Variants in NOTCH1 observed in about 807,000 individuals in gnomAD.
NOTCH1 encodes notch receptor 1.
Under a neutral mutation model 254.8 loss-of-function variants are expected in NOTCH1, and 37 were observed. The ratio of observed to expected loss-of-function variants is 0.15; its 90% CI spans 0.11 to 0.19. The LOEUF is 0.19. NOTCH1 is among the 10% of genes least tolerant of loss of function. The pLI is 1.00. For missense variants in NOTCH1, 2,972 were observed against 3,708.6 expected (o/e 0.80, Z 5.16); for synonymous variants, 1,731 against 1,618.1 (o/e 1.07, Z -1.68).
chr9:136,502,556 C>CG (rs1334763265), intron 27 of NOTCH1, 68 bp from the exon 28 acceptor site: 18 of 1,033,356 alleles, frequency 1.7e-5, no homozygotes, highest in Middle Eastern at 3.2e-4. Context: ...GGCTGGTGGC[C>CG]GGGGGGCGGC....
chr9:136,524,174 T>G lies in NOTCH1; in HGVS notation c.141-195A>C, dbSNP rs79487910. On this transcript the variant is annotated intron_variant, in intron 2 of 33. Coordinates refer to ENST00000651671, the MANE Select transcript of NOTCH1 (RefSeq NM_017617.5). The stretch of plus-strand genomic sequence containing the variant: ...AGACACATGCCGCGATTGCACAACT[T>G]TGGGAATGTACTGAATGCCACTGAA... 3.1e-4 allele frequency among the ~76,000 whole-genome samples: 47 copies of G among 152,234 alleles called. No individual in the cohort carries two copies. In the East Asian group the frequency reaches 8.9e-3, roughly 29 times the overall value.
intron 18 of NOTCH1, among the ~76,000 whole-genome samples, chr9:136,509,296 C>T (rs1304384005): frequency 2.6e-5 from 4 of 152,138 alleles, no homozygotes; most frequent in Non-Finnish European, 4.4e-5. Context: ...TAAGTCAGGT[C>T]GAGAGTGGTT....
At chr9:136,526,185 C>T (rs1843456606) in intron 2 of NOTCH1, among the ~76,000 whole-genome samples, 1 of 152,264 alleles carries the variant, frequency 6.6e-6, no homozygotes, top group Admixed American at 6.5e-5. Flanking sequence ...CAGTTACAGG[C>T]TGGCCGGTCC....
At chr9:136,533,363 C>T (rs1843591999) in intron 2 of NOTCH1, among the ~76,000 whole-genome samples, 1 of 152,218 alleles carries the variant, frequency 6.6e-6, no homozygotes. Flanking sequence ...CATGTTCAAC[C>T]CCTGGCGGCT....
chr9:136,517,571 G>A (rs1843296481), intron 8 of NOTCH1, among the ~76,000 whole-genome samples, 181 bp downstream of exon 8: 2 of 152,204 alleles, frequency 1.3e-5, no homozygotes, highest in South Asian at 2.1e-4. Context: ...GCCTAGCACT[G>A]CCCCCGTGCT....
intron 2 of NOTCH1, among the ~76,000 whole-genome samples, chr9:136,529,724 C>T (rs912213120): frequency 5.9e-5 from 9 of 152,274 alleles, no homozygotes; most frequent in Admixed American, 2.6e-4. Context: ...CCCTGAAAGG[C>T]GCCCTGCAGC....
chr9:136,503,051 C>T (rs1360214999), intron 27 of NOTCH1, 131 bp downstream of exon 27: 1 of 1,351,486 alleles, frequency 7.4e-7, no homozygotes, highest in African/African-American at 1.4e-5. Flanking sequence ...CCAGAAAAGC[C>T]CTACCCCAAC....
At chr9:136,532,001 T>C (rs114314597) in intron 2 of NOTCH1, among the ~76,000 whole-genome samples, 1 of 152,200 alleles carries the variant, frequency 6.6e-6, no homozygotes, top group South Asian at 2.1e-4. Flanking sequence ...GCTCACATAC[T>C]GGCCCACTGT....
chr9:136,531,966 C>T (rs1030044503), intron 2 of NOTCH1, among the ~76,000 whole-genome samples: 6 of 152,250 alleles, frequency 3.9e-5, no homozygotes, highest in African/African-American at 9.6e-5. Flanking sequence ...GCTCGCCTGC[C>T]GGCCCAGTCC....
rs751776024 is a variant in NOTCH1 at position 136,508,319 on chromosome 9, G to C, written c.3238C>G (p.Gln1080Glu). The C allele has an allele frequency of 2.5e-6, 4 of 1,613,034 alleles. No homozygotes were observed. The Admixed American group carries it at 6.7e-5, about 27-fold the overall frequency. Residue 1080 changes from glutamine (Q) to glutamate (E), a missense_variant, in exon 20 of 34, where the codon CAG (glutamine) becomes GAG (glutamate). Around this residue, in one of 8 missense-constraint regions of NOTCH1, gnomAD observed 1,343 missense variants for 1,557.0 expected, o/e 0.86. Transcript: ENST00000651671. ...CCGCTGGGGCACTCGCAGCGGTACT[G>C]GGTGTGGGTCTGCCAGCATTTGCCG... ...NGGKCWQTHTQYRCECPSGWT... is the reference protein window; with the variant it reads ...NGGKCWQTHTEYRCECPSGWT...
intron 33 of NOTCH1, 113 bp downstream of exon 33, chr9:136,498,786 C>G: frequency 7.8e-7 from 1 of 1,289,978 alleles, no homozygotes; most frequent in Non-Finnish European, 1.1e-6. Context: ...GCCCAGCGAC[C>G]CTCGAGACCC....
chr9:136,497,569 A>G lies in NOTCH1; in HGVS notation c.6181-11T>C, dbSNP rs2133319517. Reference sequence around the variant, plus strand: ...CAGGGGTGTCTCCTCCTGGGGGATGAGGGCGGGGGCCGGTGAGGGGGGCCA... The same window carrying G: ...CAGGGGTGTCTCCTCCTGGGGGATGGGGGCGGGGGCCGGTGAGGGGGGCCA... On this transcript the variant is annotated splice_polypyrimidine_tract_variant and intron_variant, in intron 33 of 33. Transcript: ENST00000651671. The G allele has an allele frequency of 7.0e-7, 1 of 1,436,384 alleles. No homozygotes were observed. The highest frequency in any genetic ancestry group is 9.5e-7 in the Non-Finnish European group (1 of 1,056,846). 89.0% of individuals were successfully genotyped at this position (1,436,384 alleles called of 1,614,324 possible). A position where few individuals can be genotyped will look rare whatever the true frequency, so the allele number is the denominator to read the frequency against.
At chr9:136,507,034 G>A (rs952108526) in intron 22 of NOTCH1, 61 bp from the exon 23 acceptor site, 14 of 1,574,786 alleles carry the variant, frequency 8.9e-6, no homozygotes, top group Admixed American at 3.6e-5. Context: ...GCCGTGCCGC[G>A]TGTCCGTCCC....
intron 18 of NOTCH1, among the ~76,000 whole-genome samples, chr9:136,509,414 GT>G (rs1249593379): frequency 6.6e-6 from 1 of 152,216 alleles, no homozygotes; most frequent in Non-Finnish European, 1.5e-5. Flanking sequence ...CGAGACTGAC[GT>G]TTACCAAATG....
rs1351391628 is a variant in NOTCH1 at position 136,532,083 on chromosome 9, A to G, written c.141-8104T>C. ...ATCACCGGGCGCCTGGGATTACCCC[A>G]CACTTGGGAAGTGGGATCCAGGCAG... On this transcript the variant is annotated intron_variant, in intron 2 of 33. Transcript: ENST00000651671. Among the ~76,000 whole-genome samples the G allele has an allele frequency of 5.9e-5, 9 of 152,174 alleles. No individual in the cohort carries two copies. In the South Asian group the frequency reaches 1.9e-3, roughly 32 times the overall value.
chr9:136,515,315 C>T lies in NOTCH1; in HGVS notation c.1989G>A (p.Glu663=), dbSNP rs769537185. 1 of 1,612,978 alleles carries T rather than the reference C, an allele frequency of 6.2e-7. No homozygotes were observed. Residue 663 remains glutamate, a synonymous_variant, in exon 12 of 34, where the codon GAG becomes GAA. Transcript: ENST00000651671. ...CTGTGTAGCCCGGCTCACAGGCACA[C>T]TCGTAGCCATCGATCTTGTCCAGAC... is the stretch of plus-strand genomic sequence containing the variant. ...GTCLDKIDGY[E]CACEPGYTGS... is the part of the protein sequence containing the mutation.
At chr9:136,542,032 G>A (rs60129937) in intron 2 of NOTCH1, among the ~76,000 whole-genome samples, 12,211 of 152,312 alleles carry the variant, frequency 0.08, 1,088 homozygotes, top group African/African-American at 0.22. Flanking sequence ...ACAGCTCACC[G>A]GGATCCCAGG....
At chr9:136,502,217 C>T (rs999491640) in intron 28 of NOTCH1, 55 bp downstream of exon 28, 23 of 1,571,750 alleles carry the variant, frequency 1.5e-5, no homozygotes, top group Admixed American at 3.5e-5. Context: ...TGAGGATGCT[C>T]GGCCAGGTCC....
In NOTCH1 at chr9:136,501,916, A is replaced by C. The variant is rs2133329358; in HGVS notation, c.5473-3T>G. 6.2e-7 allele frequency: 1 copy of C among 1,611,540 alleles called. No homozygotes were observed. The highest frequency in any genetic ancestry group is 8.5e-7 in the Non-Finnish European group (1 of 1,179,954). ...GGCAGAACCACGGGCTCCTCGAACTACATAGAGGGAGTGAGCAGAGCCTGT... is the reference window on the plus strand; with the variant it reads ...GGCAGAACCACGGGCTCCTCGAACTCCATAGAGGGAGTGAGCAGAGCCTGT... On this transcript the variant is annotated splice_polypyrimidine_tract_variant and splice_region_variant and intron_variant, in intron 29 of 33. Coordinates refer to ENST00000651671, the MANE Select transcript of NOTCH1 (RefSeq NM_017617.5).
Sources: gnomAD v4.1 joint callset for allele counts (sites outside exome capture counted in the v4.1 genomes callset) on GRCh38, gnomAD v4.1.1 for gene constraint, gnomAD v4.1.1 regional missense constraint, MANE v1.5 for transcripts, NCBI Gene and HGNC (gene_info 2026-07-23, HGNC 2026-07-21) for gene names.